The following ST8SIA6 variants were observed in gnomAD, a reference collection of about 807,000 sequenced individuals.
The protein encoded by ST8SIA6 is ST8 alpha-N-acetyl-neuraminide alpha-2,8-sialyltransferase 6.
ST8SIA6 carries 39 observed loss-of-function variants against 33.6 expected under a neutral mutation model. That is an observed-to-expected ratio of 1.16 (90% CI 0.90 to 1.52). The LOEUF is 1.52. Among genes scored for constraint, ST8SIA6 ranks in the 40% most tolerant of loss-of-function variants. The pLI is 0.00. For synonymous variants in ST8SIA6, 172 were observed against 167.2 expected, an observed-to-expected ratio of 1.03 and a Z score of -0.22; for missense variants, 441 against 443.8, an observed-to-expected ratio of 0.99 and a Z score of 0.06.
intron 4 of ST8SIA6, among the ~76,000 whole-genome samples, 179 bp downstream of exon 4, chr10:17,359,335 T>C (rs1047199481): frequency 4.6e-5 from 7 of 152,200 alleles, no homozygotes; most frequent in Admixed American, 4.6e-4. Flanking sequence ...TGCAAATTTA[T>C]ACACAAGAGA....
intron 6 of ST8SIA6, 115 bp downstream of exon 6, chr10:17,326,899 G>T: frequency 1.5e-6 from 1 of 681,998 alleles, no homozygotes; most frequent in Non-Finnish European, 2.2e-6. Flanking sequence ...GTAATTTGTA[G>T]ACTTTTGTAA....
chr10:17,387,900 C>T (rs1850440991), intron 3 of ST8SIA6, among the ~76,000 whole-genome samples: 2 of 152,234 alleles, frequency 1.3e-5, no homozygotes, highest in South Asian at 4.1e-4. Context: ...CACTGTATAT[C>T]TGGAGGGCCG....
chr10:17,323,233 A>ACGCG, intron 6 of ST8SIA6, 76 bp from the exon 7 acceptor site: 12 of 722,962 alleles, frequency 1.7e-5, no homozygotes, highest in East Asian at 1.1e-4. Context: ...ATGCGCGCAC[A>ACGCG]CACACACACA....
chr10:17,451,249 AAAG>A (rs1360364726), intron 2 of ST8SIA6, among the ~76,000 whole-genome samples: 3 of 152,244 alleles, frequency 2.0e-5, no homozygotes, highest in African/African-American at 7.2e-5. Context: ...AGCCATAAAA[AAAG>A]AAGGATTTAA....
At chr10:17,392,973 G>A (rs1421238863) in intron 2 of ST8SIA6, among the ~76,000 whole-genome samples, 1 of 152,208 alleles carries the variant, frequency 6.6e-6, no homozygotes, top group Non-Finnish European at 1.5e-5. Flanking sequence ...TTCTGGAACA[G>A]ATGAGTATTT....
chr10:17,387,236 A>G (rs1850403347), intron 3 of ST8SIA6, among the ~76,000 whole-genome samples: 1 of 146,796 alleles, frequency 6.8e-6, no homozygotes, highest in East Asian at 2.0e-4. Context: ...TTGGAATTTA[A>G]GGAAAAGAAA....
chr10:17,403,139 C>G (rs1421482929), intron 2 of ST8SIA6, among the ~76,000 whole-genome samples: 1 of 152,178 alleles, frequency 6.6e-6, no homozygotes, highest in Non-Finnish European at 1.5e-5. Context: ...AACAGGGAAA[C>G]AGATGGACCT....
chr10:17,444,125 T>C (rs1444266451), intron 2 of ST8SIA6, among the ~76,000 whole-genome samples: 1 of 152,216 alleles, frequency 6.6e-6, no homozygotes. Context: ...CTGCCTCCCC[T>C]GGGCAGTCAG....
At chr10:17,368,466 C>A (rs1399191442) in intron 3 of ST8SIA6, among the ~76,000 whole-genome samples, 1 of 138,962 alleles carries the variant, frequency 7.2e-6, no homozygotes, top group Non-Finnish European at 1.5e-5. Flanking sequence ...ATTGTAGTAA[C>A]GGTTGATAGC....
chr10:17,415,589 C>T (rs186998351), intron 2 of ST8SIA6, among the ~76,000 whole-genome samples: 453 of 152,190 alleles, frequency 3.0e-3, no homozygotes, highest in Non-Finnish European at 5.5e-3. Context: ...CTTCTAAATC[C>T]CATTGGGTCA....
At position 17,364,874 on chromosome 10, in the gene ST8SIA6, G is replaced by A. The variant is rs144022650; in HGVS notation, c.291-5274C>T. On this transcript the variant is annotated intron_variant, in intron 3 of 7. Transcript: ENST00000377602. ...CACAGATCTCACCCCAAAATCTTGG[G>A]AGGTAGCTCTGCTTCAGATATCATT... is the stretch of plus-strand genomic sequence containing the variant. 2.5e-3 allele frequency among the ~76,000 whole-genome samples: 387 copies of A among 152,296 alleles called. 2 individuals are homozygous for A. Among genetic ancestry groups the A allele is most frequent in the African/African-American group, 9.0e-3 (373 of 41,582 alleles).
At chr10:17,386,149 C>T (rs1472151320) in intron 3 of ST8SIA6, among the ~76,000 whole-genome samples, 6 of 151,202 alleles carry the variant, frequency 4.0e-5, no homozygotes, top group Non-Finnish European at 8.8e-5. Context: ...CCACTGCACT[C>T]CAGTCTCGGC....
intron 3 of ST8SIA6, among the ~76,000 whole-genome samples, chr10:17,364,450 C>T (rs1849495259): frequency 1.3e-5 from 2 of 152,132 alleles, no homozygotes; most frequent in African/African-American, 4.8e-5. Flanking sequence ...GAAGACAGTA[C>T]TCAAGGTACT....
intron 2 of ST8SIA6, among the ~76,000 whole-genome samples, chr10:17,431,477 T>C (rs1292751075): frequency 6.6e-6 from 1 of 152,126 alleles, no homozygotes; most frequent in Non-Finnish European, 1.5e-5. Flanking sequence ...GGTGTGACTG[T>C]AATATAGATT....
chr10:17,358,178 A>G lies in ST8SIA6; in HGVS notation c.377+1336T>C, dbSNP rs78351032. 7.6e-3 allele frequency among the ~76,000 whole-genome samples: 1,163 copies of G among 152,272 alleles called. 7 individuals are homozygous for G. The highest frequency in any genetic ancestry group is 0.014 in the Middle Eastern group (4 of 294). On this transcript the variant is annotated intron_variant, in intron 4 of 7. Transcript: ENST00000377602. ...TGTGTCTACCCAGTGGAGGGAAGAT[A>G]TACCCATTTTAGCTTTGACACCACC...
intron 2 of ST8SIA6, among the ~76,000 whole-genome samples, chr10:17,408,871 T>G (rs954021536): frequency 5.5e-4 from 84 of 151,720 alleles, no homozygotes; most frequent in African/African-American, 1.8e-3. Context: ...TTCTCCTGCC[T>G]CAGCCTCCCA....
intron 3 of ST8SIA6, among the ~76,000 whole-genome samples, chr10:17,387,495 C>G (rs985608565): frequency 2.0e-5 from 3 of 151,324 alleles, no homozygotes; most frequent in Non-Finnish European, 4.4e-5. Context: ...TCGAACTCCC[C>G]ACCTCGGGTG....
At chr10:17,380,853 T>TTGTGTA (rs1554793908) in intron 3 of ST8SIA6, among the ~76,000 whole-genome samples, 5 of 86,380 alleles carry the variant, frequency 5.8e-5, no homozygotes, top group Admixed American at 1.4e-4. Context: ...GTTTGTGTGT[T>TTGTGTA]TGTGTGTATG....
At chr10:17,447,196 T>G (rs1852744617) in intron 2 of ST8SIA6, among the ~76,000 whole-genome samples, 1 of 151,898 alleles carries the variant, frequency 6.6e-6, no homozygotes, top group Non-Finnish European at 1.5e-5. Flanking sequence ...GGAGACCAGC[T>G]TGGCCAACAT....
Sources: allele counts gnomAD v4.1 joint callset (sites outside exome capture counted in the v4.1 genomes callset), GRCh38; gene constraint gnomAD v4.1.1; transcripts MANE v1.5; gene names NCBI Gene and HGNC (gene_info 2026-07-23, HGNC 2026-07-21).